Variants in MOV10L1 observed in about 807,000 individuals in gnomAD.
MOV10L1 encodes Mov10 like RNA helicase 1.
In MOV10L1, 110 loss-of-function variants were observed where a neutral mutation model predicts 143.8. The observed-to-expected ratio is 0.76, with a 90% CI of 0.66 to 0.90. The LOEUF (loss-of-function observed/expected upper bound fraction) is 0.90. Among genes scored for constraint, MOV10L1 ranks in the 40% least tolerant of loss-of-function variants. The pLI is 0.00. For synonymous variants in MOV10L1, 593 were observed against 581.1 expected (o/e 1.02, Z -0.29); for missense variants, 1,406 against 1,526.8 (o/e 0.92, Z 1.32).
chr22:50,093,612 G>C (rs529332958), intron 2 of MOV10L1: 1 of 152,118 alleles, frequency 6.6e-6, no homozygotes, highest in East Asian at 1.9e-4. Context: ...GAGCTCAAGC[G>C]ATTCTTCCAC....
chr22:50,117,605 C>A (rs2062217691), intron 9 of MOV10L1, among the ~76,000 whole-genome samples: 1 of 152,196 alleles, frequency 6.6e-6, no homozygotes, highest in South Asian at 2.1e-4. Context: ...TTCACTCCCC[C>A]AAGCCCCACT....
At chr22:50,117,683 G>C (rs915235936) in intron 9 of MOV10L1, among the ~76,000 whole-genome samples, 1 of 152,144 alleles carries the variant, frequency 6.6e-6, no homozygotes, top group Non-Finnish European at 1.5e-5. Context: ...CACCTCTCCC[G>C]TCCTGACGAG....
At chr22:50,093,077 A>G (rs1019577282) in intron 2 of MOV10L1, 2 of 151,864 alleles carry the variant, frequency 1.3e-5, no homozygotes, top group Non-Finnish European at 2.9e-5. Context: ...ATTTTTTTGT[A>G]TTTTTAGTAG....
rs915502107 is a variant in MOV10L1 at position 50,161,567 on chromosome 22, G to A, written c.*118G>A. ...TCGCAGCCAGGCAGGGTCGTGTGTG[G>A]GTGTGGGGCTGCCAGGTTGGACGCA... On this transcript the variant is annotated 3_prime_UTR_variant, in exon 27 of 27. Transcript: ENST00000262794. 1.9e-6 allele frequency: 2 copies of A among 1,029,792 alleles called. No homozygotes were observed. Among genetic ancestry groups the A allele is most frequent in the African/African-American group, 1.6e-5 (1 of 61,614 alleles). 63.8% of individuals were successfully genotyped at this position (1,029,792 alleles called of 1,614,324 possible).
intron 16 of MOV10L1, among the ~76,000 whole-genome samples, chr22:50,142,740 G>A (rs1214794460): frequency 1.3e-5 from 2 of 152,082 alleles, no homozygotes; most frequent in Non-Finnish European, 2.9e-5. Flanking sequence ...GGAGGCTGAC[G>A]TGGGAGGATC....
At chr22:50,137,500 C>A in intron 15 of MOV10L1, among the ~76,000 whole-genome samples, 1 of 151,940 alleles carries the variant, frequency 6.6e-6, no homozygotes, top group East Asian at 1.9e-4. Flanking sequence ...GAGATCGCGC[C>A]ACTGCACTCC....
intron 1 of MOV10L1, 101 bp from the exon 2 acceptor site, chr22:50,091,899 CA>C (rs1230708994): frequency 3.3e-5 from 39 of 1,192,702 alleles, no homozygotes; most frequent in Non-Finnish European, 3.7e-5. Context: ...CTCCGAACTG[CA>C]AAAAAAGGAG....
At chr22:50,097,469 T>G (rs1392775493) in intron 2 of MOV10L1, among the ~76,000 whole-genome samples, 1 of 152,204 alleles carries the variant, frequency 6.6e-6, no homozygotes, top group East Asian at 1.9e-4. Flanking sequence ...CTAACTTTAT[T>G]ATTTTGCCCA....
intron 19 of MOV10L1, among the ~76,000 whole-genome samples, chr22:50,146,043 C>G (rs1207587077): frequency 6.6e-6 from 1 of 152,182 alleles, no homozygotes; most frequent in Non-Finnish European, 1.5e-5. Context: ...GATGGACTGG[C>G]CCATGCAGAG....
At chr22:50,109,215 A>C (rs1164025217) in intron 5 of MOV10L1, among the ~76,000 whole-genome samples, 2 of 152,158 alleles carry the variant, frequency 1.3e-5, no homozygotes, top group Non-Finnish European at 2.9e-5. Flanking sequence ...AGTTACTTTA[A>C]TAAGCCAAAT....
In MOV10L1 at chr22:50,158,110, C is replaced by A. The variant is rs373904875; in HGVS notation, c.3120C>A (p.Ala1040=). The change falls in exon 23 of 27, where the codon GCC becomes GCA. Residue 1040 remains alanine, a synonymous_variant. Coordinates refer to ENST00000262794, the MANE Select transcript of MOV10L1 (RefSeq NM_018995.3). The surrounding 1 kb of genome is among the most constrained non-coding windows in gnomAD (Gnocchi z 5.0). ...KSPSWFNPAE[A]VQVLRYCCLL... ...CATCGTGGTTCAACCCGGCCGAGGC[C>A]GTCCAGGTCCTGCGCTACTGCTGCC... 6.2e-7 allele frequency: 1 copy of A among 1,614,058 alleles called. No individual in the cohort carries two copies. The highest frequency in any genetic ancestry group is 8.5e-7 in the Non-Finnish European group (1 of 1,180,034).
At chr22:50,094,939 T>C (rs2062551159) in intron 2 of MOV10L1, 1 of 152,192 alleles carries the variant, frequency 6.6e-6, no homozygotes, top group Non-Finnish European at 1.5e-5. Flanking sequence ...AAATGCAACT[T>C]ACAGCCAGGC....
rs145138639 is a variant in MOV10L1 at position 50,105,408 on chromosome 22, G to C, written c.443-2728G>C. Among the ~76,000 whole-genome samples the C allele has an allele frequency of 5.4e-3, 829 of 152,258 alleles. 3 individuals carry two copies. Among genetic ancestry groups the C allele is most frequent in the Non-Finnish European group, 9.2e-3 (627 of 68,024 alleles). Reference sequence around the variant, plus strand: ...ATGTCAGCTTGTCCAGTTTAAGAAAGGGCTTCATCGAAAGATTCTTTTGAA... The same window carrying C: ...ATGTCAGCTTGTCCAGTTTAAGAAACGGCTTCATCGAAAGATTCTTTTGAA... On this transcript the variant is annotated intron_variant, in intron 3 of 26. Transcript: ENST00000262794.
chr22:50,113,622 AT>A, intron 5 of MOV10L1, 25 bp from the exon 6 acceptor site: 1 of 1,609,298 alleles, frequency 6.2e-7, no homozygotes, highest in Non-Finnish European at 8.5e-7. Context: ...CTGCAGAGGG[AT>A]GTCTTTCTGG....
chr22:50,099,834 C>G (rs567193310), intron 3 of MOV10L1, among the ~76,000 whole-genome samples: 1 of 152,084 alleles, frequency 6.6e-6, no homozygotes, highest in Non-Finnish European at 1.5e-5. Flanking sequence ...TGGCTACACA[C>G]AACATTGAAG....
chr22:50,111,806 A>C (rs560158950), intron 5 of MOV10L1, among the ~76,000 whole-genome samples: 7 of 151,888 alleles, frequency 4.6e-5, no homozygotes, highest in Non-Finnish European at 1.0e-4. Context: ...CCCGGCCCCG[A>C]GTCTTTATTT....
Position 50,111,459 on chromosome 22 carries a change from G to GT in MOV10L1, c.744-2188dup, listed in dbSNP as rs573341758. Among the ~76,000 whole-genome samples, 250 of 147,872 alleles carry GT rather than the reference G, an allele frequency of 1.7e-3. 2 individuals carry two copies. The highest frequency in any genetic ancestry group is 5.3e-3 in the East Asian group (27 of 5,070). ...GGCTGAGTTTTTTCCTTTTGGCATG[G>GT]TGAGTGGGGTCCCGACTCTGTCTTT... On this transcript the variant is annotated intron_variant, in intron 5 of 26. Coordinates refer to ENST00000262794, the MANE Select transcript of MOV10L1 (RefSeq NM_018995.3).
Position 50,145,700 on chromosome 22 carries a change from C to G in MOV10L1, c.2517C>G (p.Asp839Glu). 7 of 1,614,040 alleles carry G rather than the reference C, an allele frequency of 4.3e-6. No homozygotes were observed. Among genetic ancestry groups the G allele is most frequent in the Non-Finnish European group, 5.9e-6 (7 of 1,180,000 alleles). ...ATCRFEEIVI[D>E]AVKPYCRDGE... ...CTCCTTGCCCCCAGATAGTTATTGA[C>G]GCCGTCAAACCGTATTGCAGAGACG... Residue 839 changes from aspartate to glutamate, a missense_variant, in exon 19 of 27, where the codon GAC (aspartate) becomes GAG (glutamate). By Grantham distance (45) the Asp-to-Glu change is conservative. This residue lies in a region of MOV10L1 where 1,233 missense variants were observed against 1,351.4 expected (regional missense o/e 0.91). Transcript: ENST00000262794.
At chr22:50,146,155 G>GAGC (rs372836410) in intron 19 of MOV10L1, among the ~76,000 whole-genome samples, 1 of 147,718 alleles carries the variant, frequency 6.8e-6, no homozygotes, top group South Asian at 2.2e-4. Flanking sequence ...GGGAGGCCTG[G>GAGC]CGGGCTGTGG....
Sources: allele counts gnomAD v4.1 joint callset (sites outside exome capture counted in the v4.1 genomes callset), GRCh38; gene constraint gnomAD v4.1.1; regional missense constraint gnomAD v4.1.1; non-coding constraint Gnocchi (gnomAD v3.1); transcripts MANE v1.5; gene names NCBI Gene and HGNC (gene_info 2026-07-23, HGNC 2026-07-21).